The following SNTG1 variants were observed in gnomAD, a reference collection of about 807,000 sequenced individuals.
The protein encoded by SNTG1 is gamma-1-syntrophin.
In SNTG1, 39 loss-of-function variants were observed where a neutral mutation model predicts 74.7. That is an observed-to-expected ratio of 0.52 (90% CI 0.40 to 0.68). The LOEUF (loss-of-function observed/expected upper bound fraction) is 0.68, where lower values mean the gene tolerates loss of function less well. Ranked by LOEUF, SNTG1 falls within the 30% of genes least tolerant of loss-of-function variation. The pLI is 0.00. For missense variants in SNTG1, 685 were observed against 609.5 expected, an observed-to-expected ratio of 1.12 and a Z score of -1.30; for synonymous variants, 254 against 217.1, an observed-to-expected ratio of 1.17 and a Z score of -1.49.
chr8:49,983,148 T>C (rs554705585), intron 1 of SNTG1, among the ~76,000 whole-genome samples: 29 of 152,308 alleles, frequency 1.9e-4, no homozygotes, highest in South Asian at 1.0e-3. Context: ...AGTTATGCAA[T>C]CATTTTGATG....
chr8:50,484,224 C>CT (rs530573388), intron 8 of SNTG1, among the ~76,000 whole-genome samples: 2,774 of 118,310 alleles, frequency 0.023, 89 homozygotes, highest in Non-Finnish European at 0.035. Flanking sequence ...TTCTTTCTTT[C>CT]TTTTTTTTTT....
intron 2 of SNTG1, among the ~76,000 whole-genome samples, chr8:50,175,231 A>C (rs1244616754): frequency 6.6e-6 from 1 of 152,106 alleles, no homozygotes; most frequent in African/African-American, 2.4e-5. Flanking sequence ...TATACCCAGT[A>C]ATGGGATGGC....
At chr8:50,141,760 A>G (rs2081665479) in intron 1 of SNTG1, among the ~76,000 whole-genome samples, 1 of 152,160 alleles carries the variant, frequency 6.6e-6, no homozygotes, top group South Asian at 2.1e-4. Context: ...TACTAGATAG[A>G]TCTACAGAGA....
chr8:49,965,600 G>C (rs1057133913), intron 1 of SNTG1, among the ~76,000 whole-genome samples: 5 of 152,138 alleles, frequency 3.3e-5, no homozygotes, highest in African/African-American at 9.7e-5. Flanking sequence ...CAGACACTGG[G>C]TTGCTTTTAG....
At chr8:50,131,280 A>G (rs1272474783) in intron 1 of SNTG1, among the ~76,000 whole-genome samples, 1 of 152,144 alleles carries the variant, frequency 6.6e-6, no homozygotes, top group African/African-American at 2.4e-5. Flanking sequence ...GAATAATCAA[A>G]GTGGGCACTC....
At chr8:50,513,552 G>A (rs558151175) in intron 9 of SNTG1, among the ~76,000 whole-genome samples, 17 of 152,336 alleles carry the variant, frequency 1.1e-4, no homozygotes, top group African/African-American at 3.1e-4. Flanking sequence ...TTTGAGCTGC[G>A]GTGGGCTCCA....
intron 1 of SNTG1, among the ~76,000 whole-genome samples, chr8:50,036,864 G>A (rs902199146): frequency 6.6e-6 from 1 of 152,094 alleles, no homozygotes; most frequent in Non-Finnish European, 1.5e-5. Context: ...AGTAGGCATT[G>A]TTCACTAGCT....
chr8:49,936,876 T>C (rs1808128525), intron 1 of SNTG1, among the ~76,000 whole-genome samples: 1 of 152,174 alleles, frequency 6.6e-6, no homozygotes, highest in Non-Finnish European at 1.5e-5. Flanking sequence ...TGGCTGGGTA[T>C]GGTGGCTCAT....
chr8:50,222,518 G>A (rs2085119936), intron 2 of SNTG1, among the ~76,000 whole-genome samples: 2 of 152,106 alleles, frequency 1.3e-5, no homozygotes, highest in African/African-American at 4.8e-5. Flanking sequence ...CTAACTCTCT[G>A]AAAATATATG....
At chr8:50,528,526 A>C (rs1024761963) in intron 9 of SNTG1, among the ~76,000 whole-genome samples, 1 of 151,912 alleles carries the variant, frequency 6.6e-6, no homozygotes, top group Non-Finnish European at 1.5e-5. Context: ...ATGATGTGAT[A>C]TATTTTTCAT....
chr8:50,144,079 A>T (rs963907927), intron 1 of SNTG1, among the ~76,000 whole-genome samples: 1 of 152,168 alleles, frequency 6.6e-6, no homozygotes, highest in Non-Finnish European at 1.5e-5. Flanking sequence ...AGTCACACAC[A>T]TTCACTTCCA....
chr8:49,920,557 AAACAAC>A (rs373704356), intron 1 of SNTG1, among the ~76,000 whole-genome samples: 1 of 151,908 alleles, frequency 6.6e-6, no homozygotes, highest in African/African-American at 2.4e-5. Flanking sequence ...AAAAACAAAT[AAACAAC>A]AACAACAACA....
At chr8:50,708,751 C>T in intron 16 of SNTG1, 135 bp from the exon 17 acceptor site, 1 of 591,292 alleles carries the variant, frequency 1.7e-6, no homozygotes, top group Non-Finnish European at 3.0e-6. Context: ...GATAATACTC[C>T]CTTCTTTATA....
At chr8:50,108,622 A>C (rs1308543953) in intron 1 of SNTG1, among the ~76,000 whole-genome samples, 2 of 152,162 alleles carry the variant, frequency 1.3e-5, no homozygotes, top group African/African-American at 4.8e-5. Flanking sequence ...TAACAACAAA[A>C]ATGATTTAGT....
chr8:50,713,900 A>C (rs1310439043), intron 17 of SNTG1, among the ~76,000 whole-genome samples: 2 of 152,044 alleles, frequency 1.3e-5, no homozygotes, highest in Non-Finnish European at 2.9e-5. Flanking sequence ...TCTACTAAAA[A>C]TACAAAAAAT....
intron 1 of SNTG1, among the ~76,000 whole-genome samples, chr8:50,009,832 T>G (rs1271971060): frequency 1.3e-5 from 2 of 152,140 alleles, no homozygotes; most frequent in Non-Finnish European, 2.9e-5. Context: ...ACCCCATCTC[T>G]ACTAAAAATA....
At position 50,753,812 on chromosome 8, in the gene SNTG1, AAAT is replaced by A. The variant is rs1427787912; in HGVS notation, c.1395+1705_1395+1707del. 1.2e-4 allele frequency among the ~76,000 whole-genome samples: 19 copies of A among 152,116 alleles called. No individual in the cohort carries two copies. The East Asian group carries it at 3.5e-3, about 28-fold the overall frequency. On this transcript the variant is annotated intron_variant, in intron 18 of 18. Coordinates refer to ENST00000642720, the MANE Select transcript of SNTG1 (RefSeq NM_018967.5). ...GAATAGAAAAAAAAAGTAGTCTTAAAAATAATGAGACTGTGACATTTGGTGAGT... is the reference window on the plus strand; with the variant it reads ...GAATAGAAAAAAAAAGTAGTCTTAAAAATGAGACTGTGACATTTGGTGAGT...
At chr8:50,058,796 G>A (rs987343574) in intron 1 of SNTG1, among the ~76,000 whole-genome samples, 6 of 151,582 alleles carry the variant, frequency 4.0e-5, no homozygotes, top group African/African-American at 1.5e-4. Flanking sequence ...TTTTATCACA[G>A]GTAAAATGTC....
intron 18 of SNTG1, among the ~76,000 whole-genome samples, chr8:50,778,235 G>A (rs916182852): frequency 2.0e-5 from 3 of 152,184 alleles, no homozygotes; most frequent in Non-Finnish European, 2.9e-5. Context: ...GGATGGCTGG[G>A]TCAAATGGTA....
Sources: allele counts gnomAD v4.1 joint callset (sites outside exome capture counted in the v4.1 genomes callset), GRCh38; gene constraint gnomAD v4.1.1; transcripts MANE v1.5; gene names NCBI Gene and HGNC (gene_info 2026-07-23, HGNC 2026-07-21).